Variants in CCSER1 observed in about 807,000 individuals in gnomAD.
CCSER1 encodes coiled-coil serine rich protein 1, also known as serine-rich coiled-coil domain-containing protein 1.
Under a neutral mutation model 82.0 loss-of-function variants are expected in CCSER1, and 41 were observed. That is an observed-to-expected ratio of 0.50 (90% CI 0.39 to 0.65). The LOEUF (loss-of-function observed/expected upper bound fraction) is 0.65, where lower values mean the gene tolerates loss of function less well. Ranked by LOEUF, CCSER1 falls within the 30% of genes least tolerant of loss-of-function variation. CCSER1 has a pLI of 0.00. For missense variants in CCSER1, 1,119 were observed against 1,064.2 expected, an observed-to-expected ratio of 1.05 and a Z score of -0.72; for synonymous variants, 414 against 383.9, an observed-to-expected ratio of 1.08 and a Z score of -0.92.
intron 1 of CCSER1, among the ~76,000 whole-genome samples, chr4:90,174,500 A>G (rs993337707): frequency 2.0e-5 from 3 of 152,002 alleles, no homozygotes; most frequent in African/African-American, 7.2e-5. Flanking sequence ...TAGTGCCTTG[A>G]GAGTTTCTAT....
At chr4:90,645,498 G>T (rs889770092) in intron 6 of CCSER1, among the ~76,000 whole-genome samples, 1 of 151,994 alleles carries the variant, frequency 6.6e-6, no homozygotes, top group African/African-American at 2.4e-5. Flanking sequence ...AGATATGTAG[G>T]GATTTACTGT....
intron 10 of CCSER1, among the ~76,000 whole-genome samples, chr4:91,149,176 A>G (rs1375291724): frequency 1.3e-5 from 2 of 152,094 alleles, no homozygotes; most frequent in African/African-American, 4.8e-5. Context: ...TCACCATTCT[A>G]ACTGGTGTGA....
chr4:91,270,475 C>G (rs903627121), intron 10 of CCSER1, among the ~76,000 whole-genome samples: 3 of 151,874 alleles, frequency 2.0e-5, no homozygotes, highest in Non-Finnish European at 4.4e-5. Flanking sequence ...TTTCTTTTTC[C>G]TTTCTTTCAT....
chr4:90,172,709 A>G (rs144191291), intron 1 of CCSER1, among the ~76,000 whole-genome samples: 1,758 of 151,942 alleles, frequency 0.012, 35 homozygotes, highest in African/African-American at 0.04. Context: ...CTTAACCACT[A>G]TACTATCCAT....
At chr4:90,720,116 G>A (rs773192721) in intron 6 of CCSER1, among the ~76,000 whole-genome samples, 16 of 152,006 alleles carry the variant, frequency 1.1e-4, no homozygotes, top group Non-Finnish European at 2.1e-4. Flanking sequence ...TTCGTGTTGA[G>A]TTCTTTGTTC....
intron 4 of CCSER1, among the ~76,000 whole-genome samples, chr4:90,458,151 G>GTCCA (rs1762420179): frequency 6.6e-6 from 1 of 152,238 alleles, no homozygotes; most frequent in South Asian, 2.1e-4. Context: ...GAATTCCTGA[G>GTCCA]TCCATAGCCG....
intron 4 of CCSER1, among the ~76,000 whole-genome samples, chr4:90,453,670 T>C (rs1251458603): frequency 2.0e-5 from 3 of 152,114 alleles, no homozygotes; most frequent in African/African-American, 7.2e-5. Flanking sequence ...AGCCAAAATA[T>C]CCCTGCCCAA....
At chr4:91,407,371 C>T (rs567833853) in intron 10 of CCSER1, among the ~76,000 whole-genome samples, 100 of 152,216 alleles carry the variant, frequency 6.6e-4, no homozygotes, top group East Asian at 1.4e-3. Context: ...TGTATTTATA[C>T]GCATCCTGTA....
At chr4:90,415,682 G>C (rs922716756) in intron 4 of CCSER1, among the ~76,000 whole-genome samples, 1 of 152,116 alleles carries the variant, frequency 6.6e-6, no homozygotes, top group African/African-American at 2.4e-5. Context: ...TTGTGTTTTG[G>C]AATACTTAAT....
At chr4:90,635,342 G>A (rs1441835090) in intron 6 of CCSER1, among the ~76,000 whole-genome samples, 1 of 151,352 alleles carries the variant, frequency 6.6e-6, no homozygotes, top group Non-Finnish European at 1.5e-5. Context: ...AAATTTAAAA[G>A]GTAGACATCT....
At chr4:90,830,160 G>A (rs116350776) in intron 8 of CCSER1, among the ~76,000 whole-genome samples, 256 of 152,204 alleles carry the variant, frequency 1.7e-3, no homozygotes, top group Middle Eastern at 6.8e-3. Flanking sequence ...CTCCTGCTCC[G>A]CTCATGCTTA....
At chr4:90,995,856 C>A (rs1050937162) in intron 9 of CCSER1, among the ~76,000 whole-genome samples, 7 of 151,996 alleles carry the variant, frequency 4.6e-5, no homozygotes, top group Non-Finnish European at 1.0e-4. Context: ...CATGATACAT[C>A]TTTCTGATTC....
rs141908138 is a variant in CCSER1 at position 90,366,393 on chromosome 4, G to A, written c.1510-33643G>A. Among the ~76,000 whole-genome samples the A allele has an allele frequency of 1.5e-3, 227 of 151,786 alleles. 2 individuals are homozygous for A. Among genetic ancestry groups the A allele is most frequent in the African/African-American group, 5.1e-3 (211 of 41,504 alleles). Reference sequence around the variant, plus strand: ...TAAATTGTAAATTAACAATTCATAAGTGTATAAATTTATGGGGTACAAAGT... The same window carrying A: ...TAAATTGTAAATTAACAATTCATAAATGTATAAATTTATGGGGTACAAAGT... On this transcript the variant is annotated intron_variant, in intron 3 of 10. Coordinates refer to ENST00000509176, the MANE Select transcript of CCSER1 (RefSeq NM_001145065.2).
chr4:90,153,006 G>A lies in CCSER1; in HGVS notation c.-42+25175G>A, dbSNP rs950202739. ...CCCATTAACTCGTCATTTAGCATTA[G>A]GTATATCTCCTAATGCTATCCCTCC... On this transcript the variant is annotated intron_variant, in intron 1 of 10. Coordinates refer to ENST00000509176, the MANE Select transcript of CCSER1 (RefSeq NM_001145065.2). Among the ~76,000 whole-genome samples the A allele has an allele frequency of 1.8e-3, 267 of 149,990 alleles. 1 individual carries two copies. The highest frequency in any genetic ancestry group is 5.5e-3 in the African/African-American group (225 of 40,832).
chr4:90,220,411 G>T (rs561456201), intron 1 of CCSER1, among the ~76,000 whole-genome samples: 2 of 150,790 alleles, frequency 1.3e-5, no homozygotes, highest in Non-Finnish European at 3.0e-5. Flanking sequence ...TAACTTTGTC[G>T]CCTATGTGAT....
At chr4:90,996,974 T>G (rs907993985) in intron 9 of CCSER1, among the ~76,000 whole-genome samples, 1 of 152,178 alleles carries the variant, frequency 6.6e-6, no homozygotes, top group Non-Finnish European at 1.5e-5. Flanking sequence ...TGTGTACAAG[T>G]TTTTGTGTGA....
At position 90,699,537 on chromosome 4, in the gene CCSER1, G is replaced by C. The variant is rs560434794; in HGVS notation, c.1933-24377G>C. On this transcript the variant is annotated intron_variant, in intron 6 of 10. Coordinates refer to ENST00000509176, the MANE Select transcript of CCSER1 (RefSeq NM_001145065.2). ...GGTCCATGGCAGCTATATTGTGGGG[G>C]AGGTTCTGCTTAAGTTTAGAAAATG... 4.6e-5 allele frequency among the ~76,000 whole-genome samples: 7 copies of C among 152,280 alleles called. No homozygotes were observed. The East Asian group carries it at 1.4e-3, about 29-fold the overall frequency.
intron 3 of CCSER1, among the ~76,000 whole-genome samples, chr4:90,337,567 G>GAT (rs1296604353): frequency 6.6e-6 from 1 of 151,874 alleles, no homozygotes; most frequent in Non-Finnish European, 1.5e-5. Flanking sequence ...AGGAAATTGA[G>GAT]ATATATAGAT....
intron 8 of CCSER1, among the ~76,000 whole-genome samples, chr4:90,917,020 T>C (rs1452795858): frequency 6.6e-6 from 1 of 152,134 alleles, no homozygotes. Flanking sequence ...AAACAATGGG[T>C]GCTGGAGAGG....
Sources: gnomAD v4.1 joint callset for allele counts (sites outside exome capture counted in the v4.1 genomes callset) on GRCh38, gnomAD v4.1.1 for gene constraint, MANE v1.5 for transcripts, NCBI Gene and HGNC (gene_info 2026-07-23, HGNC 2026-07-21) for gene names.